The following BARD1 variants were observed in gnomAD, a reference collection of about 807,000 sequenced individuals.
BARD1 encodes the protein BRCA1 associated RING domain 1.
A neutral mutation model predicts 77.0 loss-of-function variants in BARD1; 73 were observed. The observed-to-expected ratio is 0.95, with a 90% CI of 0.79 to 1.15. The LOEUF (loss-of-function observed/expected upper bound fraction) is 1.15, where lower values mean the gene tolerates loss of function less well. BARD1 is among the 50% of genes most tolerant of loss of function. The pLI is 0.00. For missense variants in BARD1, 993 were observed against 938.8 expected, an observed-to-expected ratio of 1.06 and a Z score of -0.75; for synonymous variants, 384 against 338.0, an observed-to-expected ratio of 1.14 and a Z score of -1.49.
At chr2:214,773,070 T>C (rs1406606034) in intron 4 of BARD1, among the ~76,000 whole-genome samples, 1 of 152,192 alleles carries the variant, frequency 6.6e-6, no homozygotes. Context: ...TGTGTGTGTG[T>C]CCCACTGAAT....
chr2:214,806,893 G>T (rs1347561913), intron 1 of BARD1, among the ~76,000 whole-genome samples: 1 of 82,106 alleles, frequency 1.2e-5, no homozygotes, highest in African/African-American at 4.4e-5. Context: ...AAAAAAAAAA[G>T]GCACCCCATG....
Position 214,730,506 on chromosome 2 carries a change from C to T in BARD1, c.1906G>A (p.Val636Ile), listed in dbSNP as rs1553612541. ...NGCWILKFEWVKACLRRKVCE... is the reference protein window; with the variant it reads ...NGCWILKFEWIKACLRRKVCE... ...ACTTTTCTTCGTAGACATGCTTTTA[C>T]CCCTGACAAAAACACAAGAATTAAA... Residue 636 changes from valine (V) to isoleucine (I), a missense_variant and splice_region_variant, in exon 10 of 11, where the codon GTA becomes ATA. Physicochemically the swap from Val to Ile is conservative, Grantham distance 29. Coordinates refer to ENST00000260947, the MANE Select transcript of BARD1 (RefSeq NM_000465.4). 1.2e-6 allele frequency: 2 copies of T among 1,613,074 alleles called. No individual in the cohort carries two copies. The highest frequency in any genetic ancestry group is 1.7e-6 in the Non-Finnish European group (2 of 1,179,182).
chr2:214,786,223 T>C (rs907350550), intron 3 of BARD1, among the ~76,000 whole-genome samples: 2 of 150,938 alleles, frequency 1.3e-5, no homozygotes, highest in African/African-American at 2.5e-5. Context: ...TGAGAACTTT[T>C]AATACTTAAG....
rs1693032325 is a variant in BARD1 at position 214,745,051 on chromosome 2, C to G, written c.1903+16G>C. 3 of 1,605,142 alleles carry G rather than the reference C, an allele frequency of 1.9e-6. No homozygotes were observed. The highest frequency in any genetic ancestry group is 1.1e-5 in the South Asian group (1 of 90,802). ...AGTCTAATTCATTTCTTAATTCTCT[C>G]AAATCCAACACTTACATTCAAATTT... On this transcript the variant is annotated intron_variant, in intron 9 of 10. Transcript: ENST00000260947.
chr2:214,799,128 A>G (rs1695895689), intron 1 of BARD1, among the ~76,000 whole-genome samples: 1 of 152,032 alleles, frequency 6.6e-6, no homozygotes, highest in African/African-American at 2.4e-5. Context: ...AAAATAAATA[A>G]ATAAAATTTT....
At chr2:214,745,672 A>G (rs1175876935) in intron 8 of BARD1, 50 bp downstream of exon 8, 3 of 1,598,356 alleles carry the variant, frequency 1.9e-6, no homozygotes, top group Non-Finnish European at 2.6e-6. Flanking sequence ...CAAAAGGATC[A>G]TCTATTTAAC....
intron 3 of BARD1, among the ~76,000 whole-genome samples, chr2:214,790,072 T>C (rs2106129333): frequency 1.3e-5 from 2 of 152,218 alleles, no homozygotes; most frequent in Admixed American, 1.3e-4. Context: ...GCATTTCATA[T>C]TCCATAGTCC....
intron 4 of BARD1, among the ~76,000 whole-genome samples, chr2:214,773,375 T>G (rs751099426): frequency 2.0e-5 from 3 of 152,154 alleles, no homozygotes; most frequent in Non-Finnish European, 4.4e-5. Context: ...GGCAATTAGA[T>G]GCCATTAAAA....
At chr2:214,738,769 C>T (rs76105840) in intron 9 of BARD1, among the ~76,000 whole-genome samples, 9,985 of 152,072 alleles carry the variant, frequency 0.066, 363 homozygotes, top group Middle Eastern at 0.099. Context: ...AAGGAGGAGA[C>T]GATTATTAAC....
At chr2:214,782,987 AGAT>A (rs1695109486) in intron 3 of BARD1, among the ~76,000 whole-genome samples, 1 of 152,204 alleles carries the variant, frequency 6.6e-6, no homozygotes, top group African/African-American at 2.4e-5. Flanking sequence ...GGCAAGAGCA[AGAT>A]GATAAAATGT....
chr2:214,737,637 A>G (rs1692625242), intron 9 of BARD1, among the ~76,000 whole-genome samples: 1 of 152,170 alleles, frequency 6.6e-6, no homozygotes, highest in African/African-American at 2.4e-5. Flanking sequence ...TGAAAAGTAA[A>G]TAAGAATGAA....
intron 10 of BARD1, chr2:214,730,102 G>GT (rs1194936409): frequency 9.9e-6 from 4 of 404,866 alleles, no homozygotes; most frequent in African/African-American, 8.1e-5. Flanking sequence ...GAGACATATG[G>GT]TAACTAAATC....
At chr2:214,806,752 T>C (rs12478173) in intron 1 of BARD1, among the ~76,000 whole-genome samples, 50,257 of 151,598 alleles carry the variant, frequency 0.33, 8,842 homozygotes, top group South Asian at 0.42. Flanking sequence ...CATGCACCTG[T>C]AGTTCCAGCT....
Position 214,728,909 on chromosome 2 carries a change from G to C in BARD1, c.2101C>G (p.Gln701Glu), listed in dbSNP as rs587782348. The C allele has an allele frequency of 2.5e-6, 4 of 1,614,060 alleles. No individual in the cohort carries two copies. Among genetic ancestry groups the C allele is most frequent in the Admixed American group, 1.7e-5 (1 of 59,998 alleles). Residue 701 changes from glutamine to glutamate, a missense_variant, in exon 11 of 11, where the codon CAG (glutamine) becomes GAG (glutamate). Coordinates refer to ENST00000260947, the MANE Select transcript of BARD1 (RefSeq NM_000465.4). The part of the protein sequence containing the change: ...LIKLVTAGGG[Q>E]ILSRKPKPDS... ...GGCTTGGGCTTTCTACTGAGGATCT[G>C]GCCCCCACCTGCAGTGACGAGCTTA...
chr2:214,770,152 G>A (rs965147980), intron 4 of BARD1, among the ~76,000 whole-genome samples: 1 of 151,950 alleles, frequency 6.6e-6, no homozygotes, highest in African/African-American at 2.4e-5. Context: ...TGTTTAAAAT[G>A]GCAAAAAAAG....
At position 214,752,343 on chromosome 2, in the gene BARD1, G is replaced by T. The variant is rs73082601; in HGVS notation, c.1677+104C>A. ...CTCAGGAAGTGCTCAATAATTGTTT[G>T]GTGAATGTAAGCAATTGGTCAAATG... is the stretch of plus-strand genomic sequence containing the variant. On this transcript the variant is annotated intron_variant, in intron 7 of 10. Transcript: ENST00000260947. The T allele has an allele frequency of 3.0e-3, 2,694 of 891,902 alleles. 49 individuals carry two copies. The African/African-American group carries it at 0.039, about 13-fold the overall frequency. 55.2% of individuals were successfully genotyped at this position (891,902 alleles called of 1,614,324 possible). A position where few individuals can be genotyped will look rare whatever the true frequency, so the allele number is the denominator to read the frequency against.
chr2:214,782,217 A>C (rs1311049148), intron 3 of BARD1, among the ~76,000 whole-genome samples: 1 of 152,202 alleles, frequency 6.6e-6, no homozygotes, highest in Non-Finnish European at 1.5e-5. Flanking sequence ...ATAAATGAAC[A>C]ATAACTACAT....
intron 7 of BARD1, among the ~76,000 whole-genome samples, chr2:214,747,457 A>T (rs1358923205): frequency 6.7e-6 from 1 of 150,356 alleles, no homozygotes; most frequent in African/African-American, 2.5e-5. Context: ...GAACCAACCC[A>T]AATGTCCAAC....
chr2:214,770,345 A>G (rs528621886), intron 4 of BARD1, among the ~76,000 whole-genome samples: 5 of 152,322 alleles, frequency 3.3e-5, no homozygotes, highest in African/African-American at 9.6e-5. Context: ...CAATTTCTCT[A>G]TTTCTCTATT....
Sources: gnomAD v4.1 joint callset for allele counts (sites outside exome capture counted in the v4.1 genomes callset) on GRCh38, gnomAD v4.1.1 for gene constraint, MANE v1.5 for transcripts, NCBI Gene and HGNC (gene_info 2026-07-23, HGNC 2026-07-21) for gene names.